RAB7A: variants seen among roughly 807,000 people sequenced by gnomAD.
RAB7A encodes ras-related protein Rab-7a.
A neutral mutation model predicts 24.5 loss-of-function variants in RAB7A; 2 were observed. The ratio of observed to expected loss-of-function variants is 0.08; its 90% CI spans 0.03 to 0.26. The LOEUF is 0.26. Among genes scored for constraint, RAB7A ranks in the 10% least tolerant of loss-of-function variants. The pLI is 1.00. For missense variants in RAB7A, 118 were observed against 255.7 expected (o/e 0.46, Z 3.67); for synonymous variants, 100 against 95.9 (o/e 1.04, Z -0.25).
intron 5 of RAB7A, among the ~76,000 whole-genome samples, chr3:128,812,765 C>A (rs1933953111): frequency 6.6e-6 from 1 of 152,258 alleles, no homozygotes; most frequent in Admixed American, 6.5e-5. Flanking sequence ...CTCTGCTAAA[C>A]CTTTGGAAGA....
chr3:128,750,582 A>C (rs1298583708), intron 1 of RAB7A, among the ~76,000 whole-genome samples: 1 of 152,198 alleles, frequency 6.6e-6, no homozygotes, highest in Admixed American at 6.5e-5. Context: ...ATTTCTAAGC[A>C]GCAAAGCATT....
At chr3:128,809,483 T>C (rs577048275) in intron 5 of RAB7A, among the ~76,000 whole-genome samples, 1 of 152,204 alleles carries the variant, frequency 6.6e-6, no homozygotes, top group East Asian at 1.9e-4. Flanking sequence ...CAGCACATGG[T>C]TGGGCCTCTC....
At chr3:128,772,846 C>T (rs1379484826) in intron 1 of RAB7A, among the ~76,000 whole-genome samples, 1 of 152,246 alleles carries the variant, frequency 6.6e-6, no homozygotes, top group Non-Finnish European at 1.5e-5. Context: ...CCAGCCTCGG[C>T]CCCCCGAGGT....
intron 1 of RAB7A, among the ~76,000 whole-genome samples, chr3:128,753,495 A>G (rs137898673): frequency 6.6e-6 from 1 of 152,356 alleles, no homozygotes; most frequent in East Asian, 1.9e-4. Context: ...TGAGGGTGGA[A>G]TTAAAACATC....
intron 1 of RAB7A, among the ~76,000 whole-genome samples, chr3:128,773,751 C>T (rs1486029781): frequency 6.6e-6 from 1 of 152,184 alleles, no homozygotes; most frequent in East Asian, 1.9e-4. Flanking sequence ...AATTCTTCTG[C>T]CTTGGGATGC....
chr3:128,758,712 T>C (rs975423358), intron 1 of RAB7A, among the ~76,000 whole-genome samples: 1 of 152,160 alleles, frequency 6.6e-6, no homozygotes, highest in African/African-American at 2.4e-5. Flanking sequence ...ATTAGTTTTC[T>C]CATATATCAG....
intron 1 of RAB7A, among the ~76,000 whole-genome samples, chr3:128,760,289 G>A (rs1576281297): frequency 6.6e-6 from 1 of 152,132 alleles, no homozygotes; most frequent in East Asian, 1.9e-4. Context: ...GCTTAACTCT[G>A]TCAGCTCTCC....
chr3:128,782,001 A>C (rs1386349976), intron 1 of RAB7A, among the ~76,000 whole-genome samples: 1 of 151,966 alleles, frequency 6.6e-6, no homozygotes. Context: ...CGACAGAGCG[A>C]GACTCCATCT....
chr3:128,732,195 A>G (rs1210685052), intron 1 of RAB7A, among the ~76,000 whole-genome samples: 1 of 151,236 alleles, frequency 6.6e-6, no homozygotes, highest in African/African-American at 2.4e-5. Flanking sequence ...GCACGTCACC[A>G]TGCCCAGCTA....
chr3:128,733,884 T>C (rs148764540), intron 1 of RAB7A, among the ~76,000 whole-genome samples: 2 of 152,344 alleles, frequency 1.3e-5, no homozygotes, highest in East Asian at 3.9e-4. Flanking sequence ...TTTCAAAAGT[T>C]GTACCAGCGT....
intron 5 of RAB7A, among the ~76,000 whole-genome samples, chr3:128,810,568 GC>G (rs1212186609): frequency 6.6e-6 from 1 of 152,202 alleles, no homozygotes; most frequent in African/African-American, 2.4e-5. Context: ...TCCCTCCCAT[GC>G]CCTTTCTGCT....
intron 1 of RAB7A, among the ~76,000 whole-genome samples, chr3:128,748,297 G>C (rs1375978537): frequency 6.6e-6 from 1 of 152,172 alleles, no homozygotes; most frequent in Non-Finnish European, 1.5e-5. Context: ...TTTTCAGGTC[G>C]AGTAAGGGAC....
At chr3:128,787,774 G>A (rs1203892134) in intron 1 of RAB7A, among the ~76,000 whole-genome samples, 4 of 152,204 alleles carry the variant, frequency 2.6e-5, no homozygotes, top group African/African-American at 9.7e-5. Context: ...GCAGTGGAGC[G>A]ATCATAGCTC....
At chr3:128,779,896 G>A (rs1441784068) in intron 1 of RAB7A, among the ~76,000 whole-genome samples, 1 of 152,232 alleles carries the variant, frequency 6.6e-6, no homozygotes, top group Non-Finnish European at 1.5e-5. Flanking sequence ...CACCTCATGA[G>A]GAGATAGGAG....
chr3:128,809,534 C>T (rs571045337), intron 5 of RAB7A, among the ~76,000 whole-genome samples: 3 of 152,340 alleles, frequency 2.0e-5, no homozygotes, highest in African/African-American at 7.2e-5. Context: ...GTTAACTCTA[C>T]TTGCATCTTA....
At chr3:128,743,820 C>T (rs2811507) in intron 1 of RAB7A, among the ~76,000 whole-genome samples, 17 of 149,204 alleles carry the variant, frequency 1.1e-4, no homozygotes, top group Non-Finnish European at 1.5e-4. Context: ...GAGACAGTCT[C>T]GCTCTGTCTC....
intron 1 of RAB7A, among the ~76,000 whole-genome samples, chr3:128,728,763 G>A (rs972170630): frequency 1.3e-5 from 2 of 152,150 alleles, no homozygotes; most frequent in Non-Finnish European, 2.9e-5. Flanking sequence ...GCGCCCGGCC[G>A]ACTCTGGTAG....
intron 1 of RAB7A, among the ~76,000 whole-genome samples, chr3:128,758,989 G>A (rs142454478): frequency 0.012 from 1,819 of 152,296 alleles, 33 homozygotes; most frequent in African/African-American, 0.039. Context: ...GTAGTAAACA[G>A]ACTACAGCTT....
intron 3 of RAB7A, among the ~76,000 whole-genome samples, chr3:128,804,580 C>G (rs1190768942): frequency 6.6e-6 from 1 of 152,144 alleles, no homozygotes; most frequent in Non-Finnish European, 1.5e-5. Context: ...ATAAATATGG[C>G]CTTTACTTTT....
Sources: allele counts gnomAD v4.1 joint callset (sites outside exome capture counted in the v4.1 genomes callset), GRCh38; gene constraint gnomAD v4.1.1; transcripts MANE v1.5; gene names NCBI Gene and HGNC (gene_info 2026-07-23, HGNC 2026-07-21).